The following DGKB variants were observed in gnomAD, a reference collection of about 807,000 sequenced individuals.
DGKB encodes 90 kDa diacylglycerol kinase.
Under a neutral mutation model 114.3 loss-of-function variants are expected in DGKB, and 67 were observed. The observed-to-expected ratio is 0.59, with a 90% CI of 0.48 to 0.72. The LOEUF (loss-of-function observed/expected upper bound fraction) is 0.72. Ranked by LOEUF, DGKB falls within the 30% of genes least tolerant of loss-of-function variation. DGKB has a pLI of 0.00. For missense variants in DGKB, 907 were observed against 975.2 expected, an observed-to-expected ratio of 0.93 and a Z score of 0.93; for synonymous variants, 398 against 323.1, an observed-to-expected ratio of 1.23 and a Z score of -2.49.
At chr7:14,795,573 T>C (rs942921226) in intron 2 of DGKB, among the ~76,000 whole-genome samples, 29 of 152,126 alleles carry the variant, frequency 1.9e-4, no homozygotes, top group African/African-American at 6.5e-4. Flanking sequence ...TCACTGTCTG[T>C]AGGCCAGACC....
At chr7:14,509,282 C>T (rs974986056) in intron 20 of DGKB, among the ~76,000 whole-genome samples, 1 of 151,974 alleles carries the variant, frequency 6.6e-6, no homozygotes, top group Non-Finnish European at 1.5e-5. Context: ...GAGTTGGTCT[C>T]CCCTGTGTGA....
intron 2 of DGKB, among the ~76,000 whole-genome samples, chr7:14,770,736 G>A (rs1421841562): frequency 6.6e-6 from 1 of 152,078 alleles, no homozygotes; most frequent in Non-Finnish European, 1.5e-5. Context: ...AGAGCCAAGA[G>A]GTATTGGCAA....
intron 22 of DGKB, among the ~76,000 whole-genome samples, 182 bp from the exon 23 acceptor site, chr7:14,338,892 C>G (rs1811138163): frequency 6.6e-6 from 1 of 151,914 alleles, no homozygotes; most frequent in African/African-American, 2.4e-5. Flanking sequence ...TAAAGCAGCC[C>G]CTAACATTAA....
chr7:14,517,255 T>C (rs1205517306), intron 20 of DGKB, among the ~76,000 whole-genome samples: 6 of 152,132 alleles, frequency 3.9e-5, no homozygotes, highest in Non-Finnish European at 7.4e-5. Context: ...ACTAGCCATA[T>C]GCAGAAGATC....
rs1049338209 is a variant in DGKB, at chr7:14,513,773, G to C, written c.1771-35548C>G. On this transcript the variant is annotated intron_variant, in intron 20 of 25. Coordinates refer to ENST00000402815, the MANE Select transcript of DGKB (RefSeq NM_001350709.2). ...TCCCTAGGATGTAGAATAATGTTTA[G>C]TTAAAGCAGAAAGTTAAAAAGTGTA... Among the ~76,000 whole-genome samples, 4 of 152,038 alleles carry C rather than the reference G, an allele frequency of 2.6e-5. No homozygotes were observed. The South Asian group carries it at 6.2e-4, about 24-fold the overall frequency.
At chr7:14,254,064 G>T (rs923762771) in intron 23 of DGKB, among the ~76,000 whole-genome samples, 13 of 152,194 alleles carry the variant, frequency 8.5e-5, no homozygotes, top group African/African-American at 3.1e-4. Flanking sequence ...AAGACGAAGA[G>T]AAAGAAGGAG....
intron 25 of DGKB, among the ~76,000 whole-genome samples, chr7:14,161,403 G>A (rs1783864076): frequency 1.3e-5 from 2 of 152,086 alleles, no homozygotes; most frequent in African/African-American, 4.8e-5. Context: ...GCAAAGACTT[G>A]GAACCAACAC....
At chr7:14,973,080 T>C (rs540390736) in intron 1 of DGKB, among the ~76,000 whole-genome samples, 1 of 152,102 alleles carries the variant, frequency 6.6e-6, no homozygotes, top group South Asian at 2.1e-4. Context: ...CTATAATTTG[T>C]AGGGGAAGTA....
At chr7:14,823,556 A>G (rs763906890) in intron 2 of DGKB, among the ~76,000 whole-genome samples, 1 of 152,142 alleles carries the variant, frequency 6.6e-6, no homozygotes, top group Non-Finnish European at 1.5e-5. Context: ...TCCATGCTTT[A>G]AAATGTCAGA....
rs533998920 is a variant in DGKB, at chr7:14,242,320, A to G, written c.2123-64169T>C. Among the ~76,000 whole-genome samples, 7 of 152,280 alleles carry G rather than the reference A, an allele frequency of 4.6e-5. No homozygotes were observed. The South Asian group carries it at 1.5e-3, about 32-fold the overall frequency. On this transcript the variant is annotated intron_variant, in intron 23 of 25. Coordinates refer to ENST00000402815, the MANE Select transcript of DGKB (RefSeq NM_001350709.2). ...AGGCCCTGCAGGGCAAAGAAGCAGT[A>G]GGGCACCTGTCCTTACATTGTCCTG...
chr7:14,474,994 C>T (rs532749459), intron 21 of DGKB, among the ~76,000 whole-genome samples: 72 of 152,176 alleles, frequency 4.7e-4, no homozygotes, highest in Middle Eastern at 3.4e-3. Flanking sequence ...TCAACTAGCA[C>T]TCTCTTAAGC....
At chr7:14,796,332 C>A (rs185473624) in intron 2 of DGKB, among the ~76,000 whole-genome samples, 1 of 152,230 alleles carries the variant, frequency 6.6e-6, no homozygotes, top group Non-Finnish European at 1.5e-5. Context: ...ACCATAGACA[C>A]CTCAATTGTT....
chr7:14,713,177 A>T (rs564152599), intron 6 of DGKB, among the ~76,000 whole-genome samples: 145 of 152,244 alleles, frequency 9.5e-4, no homozygotes, highest in Non-Finnish European at 1.9e-3. Context: ...TTTTATATCC[A>T]AATTTTTTTT....
At chr7:14,396,890 A>T (rs1822299868) in intron 21 of DGKB, among the ~76,000 whole-genome samples, 1 of 152,170 alleles carries the variant, frequency 6.6e-6, no homozygotes, top group Admixed American at 6.6e-5. Flanking sequence ...TCTGTATCTT[A>T]CTAATTCAGA....
At chr7:14,244,038 AGAGAGAGAGAGAGAGG>A (rs772095828) in intron 23 of DGKB, among the ~76,000 whole-genome samples, 2 of 139,382 alleles carry the variant, frequency 1.4e-5, no homozygotes, top group Non-Finnish European at 3.2e-5. Context: ...AGAGAGAGAC[AGAGAGAGAGAGAGAGG>A]GAGAGAGAGA....
At chr7:14,973,637 C>G (rs1441635845) in intron 1 of DGKB, among the ~76,000 whole-genome samples, 1 of 148,828 alleles carries the variant, frequency 6.7e-6, no homozygotes, top group Non-Finnish European at 1.5e-5. Flanking sequence ...TCTCTAGCAC[C>G]AAATTATGCA....
At chr7:14,543,374 G>A (rs1013351208) in intron 20 of DGKB, among the ~76,000 whole-genome samples, 3 of 152,036 alleles carry the variant, frequency 2.0e-5, no homozygotes, top group Non-Finnish European at 4.4e-5. Flanking sequence ...AACTTAGGGA[G>A]GTTGAGGCTG....
chr7:14,154,287 T>G (rs1364636767), intron 25 of DGKB, among the ~76,000 whole-genome samples: 2 of 151,658 alleles, frequency 1.3e-5, no homozygotes, highest in East Asian at 3.9e-4. Flanking sequence ...GATCGTGGGT[T>G]AGTACTTGGT....
At chr7:14,504,578 T>A (rs1230922360) in intron 20 of DGKB, among the ~76,000 whole-genome samples, 1 of 152,200 alleles carries the variant, frequency 6.6e-6, no homozygotes, top group Non-Finnish European at 1.5e-5. Context: ...ACTAATGCAC[T>A]GTAAAATTTT....
Sources: allele counts gnomAD v4.1 joint callset (sites outside exome capture counted in the v4.1 genomes callset), GRCh38; gene constraint gnomAD v4.1.1; transcripts MANE v1.5; gene names NCBI Gene and HGNC (gene_info 2026-07-23, HGNC 2026-07-21).